Variants in FNDC3A observed in about 807,000 individuals in gnomAD.
FNDC3A encodes fibronectin type-III domain-containing protein 3A.
In FNDC3A, 32 loss-of-function variants were observed where a neutral mutation model predicts 148.9. The observed-to-expected ratio is 0.21, with a 90% confidence interval of 0.16 to 0.29. The LOEUF (loss-of-function observed/expected upper bound fraction) is 0.29. FNDC3A is among the 10% of genes least tolerant of loss of function. The pLI, the probability that FNDC3A is intolerant of heterozygous loss-of-function variation, is 1.00. For synonymous variants in FNDC3A, 472 were observed against 473.6 expected (o/e 1.00, Z 0.04); for missense variants, 1,191 against 1,452.8 (o/e 0.82, Z 2.93).
At chr13:49,064,097 C>T (rs1253682687) in intron 2 of FNDC3A, among the ~76,000 whole-genome samples, 1 of 152,066 alleles carries the variant, frequency 6.6e-6, no homozygotes, top group Non-Finnish European at 1.5e-5. Flanking sequence ...AATCCCAGCA[C>T]TTTGGGAGGC....
At chr13:49,082,345 C>A (rs189626493) in intron 3 of FNDC3A, among the ~76,000 whole-genome samples, 25 of 152,126 alleles carry the variant, frequency 1.6e-4, no homozygotes, top group Admixed American at 3.9e-4. Flanking sequence ...GAGATCCTGC[C>A]ACTGCACTCC....
At chr13:49,066,504 A>G (rs1877272313) in intron 2 of FNDC3A, among the ~76,000 whole-genome samples, 1 of 152,162 alleles carries the variant, frequency 6.6e-6, no homozygotes, top group African/African-American at 2.4e-5. Flanking sequence ...TGTATGTTTT[A>G]CATGTATATT....
chr13:49,048,974 C>T (rs1875625824), intron 2 of FNDC3A, among the ~76,000 whole-genome samples: 1 of 152,000 alleles, frequency 6.6e-6, no homozygotes, highest in Admixed American at 6.6e-5. Flanking sequence ...GTTTTTATTA[C>T]CTTAAGGTAT....
At chr13:49,053,686 G>A (rs531683669) in intron 2 of FNDC3A, among the ~76,000 whole-genome samples, 15 of 152,250 alleles carry the variant, frequency 9.9e-5, no homozygotes, top group Middle Eastern at 3.4e-3. Flanking sequence ...AGGTTAAGGC[G>A]TTGTGGAGAC....
In FNDC3A at chr13:49,198,471, T is replaced by C; in HGVS notation, c.2884T>C (p.Phe962Leu). 6.2e-7 allele frequency: 1 copy of C among 1,614,170 alleles called. No individual in the cohort carries two copies. Among genetic ancestry groups the C allele is most frequent in the Non-Finnish European group, 8.5e-7 (1 of 1,179,986 alleles). The change falls in exon 23 of 26, where the codon TTT (phenylalanine) becomes CTT (leucine). Residue 962 changes from phenylalanine to leucine, a missense_variant. Physicochemically the swap from Phe to Leu is conservative, Grantham distance 22. Coordinates refer to ENST00000492622, the MANE Select transcript of FNDC3A (RefSeq NM_001079673.2). Reference protein sequence around the residue: ...PDPPRLECVAFSHQNLKLKWG... With the variant: ...PDPPRLECVALSHQNLKLKWG... ...TCCACCTCGTCTGGAATGTGTTGCC[T>C]TTAGCCACCAGAACCTTAAGCTGAA...
chr13:49,168,823 A>G, intron 10 of FNDC3A, 72 bp downstream of exon 10: 3 of 1,387,828 alleles, frequency 2.2e-6, no homozygotes, highest in Middle Eastern at 1.8e-4. Flanking sequence ...ATTAAGTTTC[A>G]ATTGTTGCTG....
chr13:49,096,463 C>T (rs1879532071), intron 3 of FNDC3A, among the ~76,000 whole-genome samples: 1 of 152,104 alleles, frequency 6.6e-6, no homozygotes, highest in South Asian at 2.1e-4. Flanking sequence ...TGTAATCCTT[C>T]GATATTTTTG....
intron 2 of FNDC3A, among the ~76,000 whole-genome samples, chr13:49,028,359 G>A (rs961998017): frequency 6.6e-6 from 1 of 151,966 alleles, no homozygotes; most frequent in African/African-American, 2.4e-5. Context: ...TCCTACCTCA[G>A]CCTCCTAAGT....
chr13:49,187,190 G>A lies in FNDC3A; in HGVS notation c.1825G>A (p.Gly609Arg), dbSNP rs763511558. ...AGTGGAGATGGCAGAAGGTTCTAACGGTATGAATGGATATTAAACACTGAT... is the reference window on the plus strand; with the variant it reads ...AGTGGAGATGGCAGAAGGTTCTAACAGTATGAATGGATATTAAACACTGAT... ...YVVEMAEGSN[G>R]NKWEMIYSGA... Residue 609 changes from glycine to arginine, a missense_variant and splice_region_variant, in exon 16 of 26, where the codon GGA becomes AGA. Gly to Arg is a moderately radical substitution (Grantham distance 125). Around this residue, in one of 3 missense-constraint regions of FNDC3A, gnomAD observed 751 missense variants for 944.0 expected, o/e 0.80. Coordinates refer to ENST00000492622, the MANE Select transcript of FNDC3A (RefSeq NM_001079673.2). 6 of 1,589,386 alleles carry A rather than the reference G, an allele frequency of 3.8e-6. No homozygotes were observed. The African/African-American group carries it at 4.0e-5, about 11-fold the overall frequency.
chr13:49,107,477 C>G (rs1427997258), intron 3 of FNDC3A, among the ~76,000 whole-genome samples: 1 of 152,058 alleles, frequency 6.6e-6, no homozygotes, highest in Non-Finnish European at 1.5e-5. Context: ...GTAAAAATAC[C>G]TGACAGGACG....
intron 2 of FNDC3A, among the ~76,000 whole-genome samples, chr13:49,028,295 T>C (rs752362498): frequency 4.9e-4 from 74 of 152,246 alleles, no homozygotes; most frequent in Non-Finnish European, 9.6e-4. Flanking sequence ...GGTCTTGCTC[T>C]ATCACCAGGC....
rs1398228709 is a variant in FNDC3A, at chr13:49,057,878, A to AT, written c.100-17407dup. ...TCTGCAAAATGAAAAGAAACACAGG[A>AT]TTTTAGTAGAGTAGTATTTTTCCTA... is the stretch of plus-strand genomic sequence containing the variant. On this transcript the variant is annotated intron_variant, in intron 2 of 25. Coordinates refer to ENST00000492622, the MANE Select transcript of FNDC3A (RefSeq NM_001079673.2). 6.6e-5 allele frequency among the ~76,000 whole-genome samples: 10 copies of AT among 152,234 alleles called. 1 individual carries two copies. The East Asian group carries it at 1.7e-3, about 26-fold the overall frequency.
At chr13:49,040,154 G>T in intron 2 of FNDC3A, among the ~76,000 whole-genome samples, 1 of 152,064 alleles carries the variant, frequency 6.6e-6, no homozygotes, top group Non-Finnish European at 1.5e-5. Flanking sequence ...GGTAGTAGCC[G>T]CCTTACCAAA....
chr13:49,204,356 T>C (rs1476149654), intron 25 of FNDC3A, among the ~76,000 whole-genome samples: 1 of 152,232 alleles, frequency 6.6e-6, no homozygotes, highest in Non-Finnish European at 1.5e-5. Flanking sequence ...TTGAGGGCTT[T>C]TAAGCTGGGT....
chr13:49,123,973 G>A (rs190053351), intron 4 of FNDC3A, among the ~76,000 whole-genome samples: 43 of 152,278 alleles, frequency 2.8e-4, no homozygotes, highest in African/African-American at 8.4e-4. Flanking sequence ...AATACCATTT[G>A]ACCCAGCAAT....
chr13:49,105,922 C>T (rs1880145071), intron 3 of FNDC3A, among the ~76,000 whole-genome samples: 3 of 152,206 alleles, frequency 2.0e-5, no homozygotes, highest in Admixed American at 2.0e-4. Flanking sequence ...TTTTAAAATC[C>T]AGCAATGGCT....
chr13:49,190,702 G>A (rs1160479520), intron 17 of FNDC3A, among the ~76,000 whole-genome samples: 2 of 152,138 alleles, frequency 1.3e-5, no homozygotes, highest in African/African-American at 4.8e-5. Context: ...ATTAAATTGT[G>A]TTGGAAGTTG....
At chr13:49,206,324 C>A (rs1278985238) in intron 25 of FNDC3A, among the ~76,000 whole-genome samples, 1 of 104,450 alleles carries the variant, frequency 9.6e-6, no homozygotes, top group Non-Finnish European at 2.1e-5. Flanking sequence ...GTGAACAGTT[C>A]TAGTATATAG....
Position 49,187,711 on chromosome 13 carries a change from A to G in FNDC3A, c.1825+521A>G, listed in dbSNP as rs1593726965. The G allele has an allele frequency of 3.5e-6, 5 of 1,417,782 alleles. No individual in the cohort carries two copies. The South Asian group carries it at 5.8e-5, about 17-fold the overall frequency. The allele number at this position is 1,417,782 out of a possible 1,614,324, so 87.8% of individuals were successfully genotyped here. A position where few individuals can be genotyped will look rare whatever the true frequency, so the allele number is the denominator to read the frequency against. On this transcript the variant is annotated intron_variant, in intron 16 of 25. Transcript: ENST00000492622. ...TCTGCGAAAGGCACAGAAACCGAGG[A>G]CGGATGAAATGGCGGCACCTCACCA...
Sources: allele counts gnomAD v4.1 joint callset (sites outside exome capture counted in the v4.1 genomes callset), GRCh38; gene constraint gnomAD v4.1.1; regional missense constraint gnomAD v4.1.1; transcripts MANE v1.5; gene names NCBI Gene and HGNC (gene_info 2026-07-23, HGNC 2026-07-21).